The following BRINP1 variants were observed in gnomAD, a reference collection of about 807,000 sequenced individuals.
The protein encoded by BRINP1 is BMP/retinoic acid-inducible neural-specific protein 1.
A neutral mutation model predicts 72.9 loss-of-function variants in BRINP1; 17 were observed. The ratio of observed to expected loss-of-function variants is 0.23; its 90% CI spans 0.16 to 0.35. BRINP1 has a LOEUF of 0.35. Among genes scored for constraint, BRINP1 ranks in the 10% least tolerant of loss-of-function variants. BRINP1 has a pLI of 1.00. For synonymous variants in BRINP1, 418 were observed against 378.5 expected, an observed-to-expected ratio of 1.10 and a Z score of -1.21; for missense variants, 850 against 1,001.6, an observed-to-expected ratio of 0.85 and a Z score of 2.04.
At chr9:119,348,390 TG>T (rs1831470337) in intron 1 of BRINP1, among the ~76,000 whole-genome samples, 1 of 152,218 alleles carries the variant, frequency 6.6e-6, no homozygotes, top group Non-Finnish European at 1.5e-5. Context: ...TTCCGAGTTT[TG>T]GCAATTATGA....
chr9:119,256,673 A>G (rs993123484), intron 2 of BRINP1, among the ~76,000 whole-genome samples: 1 of 152,172 alleles, frequency 6.6e-6, no homozygotes. Context: ...TCTATTGCTT[A>G]AAAGGTTCTA....
intron 2 of BRINP1, among the ~76,000 whole-genome samples, chr9:119,267,357 A>C (rs1193239047): frequency 6.6e-6 from 1 of 152,108 alleles, no homozygotes. Flanking sequence ...ATTAAAGACC[A>C]GGCACGGTGG....
Position 119,284,818 on chromosome 9 carries a change from T to C in BRINP1, c.218+28320A>G, listed in dbSNP as rs141317053. 7.5e-3 allele frequency among the ~76,000 whole-genome samples: 1,147 copies of C among 152,280 alleles called. 14 individuals carry two copies. Among genetic ancestry groups the C allele is most frequent in the African/African-American group, 0.026 (1,069 of 41,536 alleles). ...GTTCGCTGCCAAGAAAGATGTGTCA[T>C]TCCACAGGAAATTTGGGTTTAATAT... is the stretch of plus-strand genomic sequence containing the variant. On this transcript the variant is annotated intron_variant, in intron 2 of 7. Transcript: ENST00000265922.
At chr9:119,262,391 T>C (rs1322974266) in intron 2 of BRINP1, among the ~76,000 whole-genome samples, 2 of 151,740 alleles carry the variant, frequency 1.3e-5, no homozygotes, top group Admixed American at 6.6e-5. Context: ...CCCAGCACTT[T>C]GGGAGGTCGA....
chr9:119,308,379 G>A (rs1227244916), intron 2 of BRINP1, among the ~76,000 whole-genome samples: 1 of 152,142 alleles, frequency 6.6e-6, no homozygotes, highest in East Asian at 1.9e-4. Context: ...GGGCAAGGGT[G>A]GGCTTCTCTC....
chr9:119,255,929 C>T (rs1180090265), intron 2 of BRINP1, among the ~76,000 whole-genome samples: 6 of 136,486 alleles, frequency 4.4e-5, no homozygotes, highest in Admixed American at 8.1e-5. Flanking sequence ...CATGCCAGCC[C>T]GGGCAACGGA....
At chr9:119,352,205 T>C (rs1341200582) in intron 1 of BRINP1, among the ~76,000 whole-genome samples, 1 of 152,242 alleles carries the variant, frequency 6.6e-6, no homozygotes, top group Admixed American at 6.5e-5. Context: ...CCATCTGTCT[T>C]TACTATCAGT....
At chr9:119,232,286 T>A (rs1389936315) in intron 5 of BRINP1, among the ~76,000 whole-genome samples, 2 of 152,226 alleles carry the variant, frequency 1.3e-5, no homozygotes, top group African/African-American at 2.4e-5. Flanking sequence ...TAAGCCACTG[T>A]GTTCTCTCAC....
intron 2 of BRINP1, among the ~76,000 whole-genome samples, chr9:119,272,838 C>T (rs1359032928): frequency 6.6e-6 from 1 of 152,164 alleles, no homozygotes; most frequent in Non-Finnish European, 1.5e-5. Flanking sequence ...TCAGGGTAGC[C>T]TGAATTTGTG....
At chr9:119,264,004 C>T (rs184191168) in intron 2 of BRINP1, among the ~76,000 whole-genome samples, 46 of 152,288 alleles carry the variant, frequency 3.0e-4, no homozygotes, top group African/African-American at 9.6e-4. Context: ...AGGCACTTCC[C>T]GCAATCAGAT....
At chr9:119,235,923 A>T (rs1830188431) in intron 5 of BRINP1, among the ~76,000 whole-genome samples, 1 of 152,178 alleles carries the variant, frequency 6.6e-6, no homozygotes, top group South Asian at 2.1e-4. Context: ...GACAACAGGG[A>T]GTGACTGCAT....
intron 2 of BRINP1, among the ~76,000 whole-genome samples, chr9:119,275,666 G>A (rs1417787446): frequency 6.6e-6 from 1 of 152,128 alleles, no homozygotes; most frequent in African/African-American, 2.4e-5. Context: ...ACCTCAAAAG[G>A]AGAAAATCTC....
At chr9:119,301,957 T>C (rs1830943645) in intron 2 of BRINP1, among the ~76,000 whole-genome samples, 1 of 152,198 alleles carries the variant, frequency 6.6e-6, no homozygotes, top group Non-Finnish European at 1.5e-5. Flanking sequence ...ACAGAAGTGA[T>C]CTTTGTAAGA....
intron 6 of BRINP1, among the ~76,000 whole-genome samples, chr9:119,211,065 T>C (rs1829920482): frequency 6.6e-6 from 1 of 152,206 alleles, no homozygotes; most frequent in East Asian, 1.9e-4. Context: ...AAGCTTATCT[T>C]GCAGAGGGCT....
intron 7 of BRINP1, among the ~76,000 whole-genome samples, chr9:119,203,652 G>A (rs1439958451): frequency 6.6e-6 from 1 of 152,144 alleles, no homozygotes; most frequent in Admixed American, 6.5e-5. Flanking sequence ...ACTTCCTCCA[G>A]ACTTACAATG....
At chr9:119,338,482 A>G (rs945815247) in intron 1 of BRINP1, among the ~76,000 whole-genome samples, 1 of 151,156 alleles carries the variant, frequency 6.6e-6, no homozygotes, top group Non-Finnish European at 1.5e-5. Context: ...CTCTCCCGGG[A>G]CACCTTACTC....
chr9:119,216,549 CT>C (rs1363142586), intron 5 of BRINP1, among the ~76,000 whole-genome samples: 3 of 152,162 alleles, frequency 2.0e-5, no homozygotes, highest in African/African-American at 7.2e-5. Context: ...GTCTACAATT[CT>C]TTTAGTCATT....
At position 119,329,093 on chromosome 9, in the gene BRINP1, C is replaced by G. The variant is rs1831271233; in HGVS notation, c.-50-15688G>C. Among the ~76,000 whole-genome samples, 3 of 152,276 alleles carry G rather than the reference C, an allele frequency of 2.0e-5. No individual in the cohort carries two copies. In the South Asian group the frequency reaches 6.2e-4, roughly 32 times the overall value. On this transcript the variant is annotated intron_variant, in intron 1 of 7. Transcript: ENST00000265922. ...TAGAAACAGGCACTACACAGGTGCT[C>G]AAGATACAGCGACTCAATAAAGAAA...
At chr9:119,213,202 G>C (rs1025767176) in intron 6 of BRINP1, among the ~76,000 whole-genome samples, 2 of 152,160 alleles carry the variant, frequency 1.3e-5, no homozygotes, top group African/African-American at 4.8e-5. Flanking sequence ...TTTGTTCACA[G>C]CAACTCCTCC....
Sources: gnomAD v4.1 joint callset for allele counts (sites outside exome capture counted in the v4.1 genomes callset) on GRCh38, gnomAD v4.1.1 for gene constraint, MANE v1.5 for transcripts, NCBI Gene and HGNC (gene_info 2026-07-23, HGNC 2026-07-21) for gene names.